PAM: variants seen among roughly 807,000 people sequenced by gnomAD.
PAM encodes the protein peptidyl-glycine alpha-amidating monooxygenase.
PAM carries 72 observed loss-of-function variants against 122.1 expected under a neutral mutation model. The ratio of observed to expected loss-of-function variants is 0.59; its 90% CI spans 0.49 to 0.72. The LOEUF (loss-of-function observed/expected upper bound fraction) is 0.72. PAM is among the 30% of genes least tolerant of loss of function. The pLI is 0.00. For synonymous variants in PAM, 389 were observed against 404.4 expected (o/e 0.96, Z 0.46); for missense variants, 1,106 against 1,183.7 (o/e 0.93, Z 0.96).
At chr5:102,947,187 G>T (rs180697756) in intron 8 of PAM, among the ~76,000 whole-genome samples, 2 of 152,294 alleles carry the variant, frequency 1.3e-5, no homozygotes, top group Admixed American at 6.5e-5. Context: ...GCAGGCTTCA[G>T]TTCTTTGCTG....
At chr5:102,900,255 G>GTGTGTGT (rs1554107232) in intron 3 of PAM, among the ~76,000 whole-genome samples, 4 of 82,846 alleles carry the variant, frequency 4.8e-5, no homozygotes, top group African/African-American at 1.0e-4. Context: ...GTGTGTGTGT[G>GTGTGTGT]GGGGGGGGGC....
At chr5:102,831,948 T>C (rs1447968062) in intron 1 of PAM, among the ~76,000 whole-genome samples, 6 of 151,998 alleles carry the variant, frequency 3.9e-5, no homozygotes, top group African/African-American at 1.2e-4. Context: ...ATCTTTCCTA[T>C]GCCACACTCA....
Position 102,937,674 on chromosome 5 carries a change from G to A in PAM, c.527-9163G>A, listed in dbSNP as rs1455878330. 3.9e-5 allele frequency among the ~76,000 whole-genome samples: 6 copies of A among 152,098 alleles called. No individual in the cohort carries two copies. The East Asian group carries it at 9.6e-4, about 24-fold the overall frequency. ...AGGGATCATCAGGCCTCACCCTTCCGTTTTACAGAAATGAAGATCGATGCT... is the reference window on the plus strand; with the variant it reads ...AGGGATCATCAGGCCTCACCCTTCCATTTTACAGAAATGAAGATCGATGCT... On this transcript the variant is annotated intron_variant, in intron 7 of 25. Transcript: ENST00000438793.
intron 7 of PAM, among the ~76,000 whole-genome samples, chr5:102,934,527 A>G (rs1752624434): frequency 6.6e-6 from 1 of 152,098 alleles, no homozygotes; most frequent in Non-Finnish European, 1.5e-5. Flanking sequence ...AGGCTGTGAT[A>G]CTCATGTCAT....
At position 102,765,641 on chromosome 5, in the gene PAM, G is replaced by A. The variant is rs150068049; in HGVS notation, c.-374+10293G>A. Among the ~76,000 whole-genome samples, 1,046 of 152,314 alleles carry A rather than the reference G, an allele frequency of 6.9e-3. 9 individuals carry two copies. The highest frequency in any genetic ancestry group is 0.013 in the Non-Finnish European group (878 of 68,030). ...ACCGGGTGGCTTAAACCACAGAAAT[G>A]TATTGTCTCAGAGTTCTAAGGCTAA... On this transcript the variant is annotated intron_variant, in intron 1 of 25. Coordinates refer to ENST00000438793, the MANE Select transcript of PAM (RefSeq NM_001177306.2).
chr5:102,915,113 C>T (rs146871910), intron 5 of PAM, among the ~76,000 whole-genome samples: 1 of 152,160 alleles, frequency 6.6e-6, no homozygotes, highest in Non-Finnish European at 1.5e-5. Context: ...CTTATTTTCA[C>T]GTAGACCCAG....
intron 4 of PAM, among the ~76,000 whole-genome samples, chr5:102,904,115 T>G (rs1798824516): frequency 6.6e-6 from 1 of 151,420 alleles, no homozygotes. Flanking sequence ...CTTTTTCCAT[T>G]CTAAGGGATT....
chr5:103,021,700 C>G (rs573280618), intron 23 of PAM, among the ~76,000 whole-genome samples: 1 of 152,236 alleles, frequency 6.6e-6, no homozygotes, highest in East Asian at 1.9e-4. Context: ...CCATATGGCT[C>G]TCATTAAACC....
At chr5:102,831,032 A>G (rs1239625196) in intron 1 of PAM, among the ~76,000 whole-genome samples, 1 of 150,988 alleles carries the variant, frequency 6.6e-6, no homozygotes, top group African/African-American at 2.4e-5. Context: ...TTTAATCTCT[A>G]TTTCAGCTTT....
intron 7 of PAM, among the ~76,000 whole-genome samples, chr5:102,944,004 A>G (rs1756147465): frequency 6.6e-6 from 1 of 152,176 alleles, no homozygotes; most frequent in African/African-American, 2.4e-5. Context: ...AACAACCAGC[A>G]CTACAATATT....
Position 103,017,336 on chromosome 5 carries a change from C to T in PAM, c.2334C>T (p.His778=), listed in dbSNP as rs528900719. The change falls in exon 22 of 26, where the codon CAC becomes CAT. Residue 778 remains histidine (H), a splice_region_variant and synonymous_variant. Transcript: ENST00000438793. ...TGTGTAGCTTCTTATTTTGGCAGCA[C>T]TTTGATATGCCTCATGATATTGTTG... is the stretch of plus-strand genomic sequence containing the variant. The part of the protein sequence containing the change: ...IIDIFKPVRK[H]FDMPHDIVAS... 56 of 1,601,336 alleles carry T rather than the reference C, an allele frequency of 3.5e-5. No individual in the cohort carries two copies. In the South Asian group the frequency reaches 5.2e-4, roughly 15 times the overall value.
intron 5 of PAM, among the ~76,000 whole-genome samples, chr5:102,914,476 A>C (rs1031254031): frequency 1.3e-5 from 2 of 152,104 alleles, no homozygotes; most frequent in Non-Finnish European, 2.9e-5. Flanking sequence ...GTATATGTCC[A>C]GGTGCAGAAG....
At chr5:102,937,775 C>G (rs183306677) in intron 7 of PAM, among the ~76,000 whole-genome samples, 1 of 152,208 alleles carries the variant, frequency 6.6e-6, no homozygotes, top group African/African-American at 2.4e-5. Flanking sequence ...TATTGGTTTT[C>G]TAGTTTGTGT....
At chr5:102,814,239 A>G (rs1049763589) in intron 1 of PAM, among the ~76,000 whole-genome samples, 4 of 152,158 alleles carry the variant, frequency 2.6e-5, no homozygotes, top group Admixed American at 2.0e-4. Context: ...TTATGCTGCA[A>G]TTTAAGCTCA....
chr5:102,902,491 A>G (rs1798255917), intron 4 of PAM, among the ~76,000 whole-genome samples: 1 of 151,602 alleles, frequency 6.6e-6, no homozygotes, highest in Non-Finnish European at 1.5e-5. Context: ...TAATATTTGG[A>G]CATTACCAAG....
intron 1 of PAM, among the ~76,000 whole-genome samples, chr5:102,766,926 A>ATTTGTTTTTTTTTTTTTTTT (rs1754142657): frequency 3.9e-5 from 1 of 25,830 alleles, no homozygotes; most frequent in African/African-American, 1.4e-4. Context: ...TCAGTTGTGG[A>ATTTGTTTTTTTTTTTTTTTT]TTTTTTTTTT....
intron 7 of PAM, among the ~76,000 whole-genome samples, 158 bp downstream of exon 7, chr5:102,926,826 G>T (rs1026291445): frequency 9.2e-5 from 14 of 152,108 alleles, no homozygotes; most frequent in Non-Finnish European, 7.4e-5. Context: ...ACTGTTGAAG[G>T]AATGACTTTT....
At chr5:102,903,216 T>C (rs1019505240) in intron 4 of PAM, among the ~76,000 whole-genome samples, 1 of 151,564 alleles carries the variant, frequency 6.6e-6, no homozygotes, top group Non-Finnish European at 1.5e-5. Context: ...GAGGATTGCA[T>C]GGATACTGAA....
intron 15 of PAM, among the ~76,000 whole-genome samples, chr5:102,988,691 GAAAGAA>G (rs374528806): frequency 1.4e-4 from 15 of 109,800 alleles, no homozygotes; most frequent in East Asian, 3.7e-4. Context: ...AAGAAAGAAG[GAAAGAA>G]AGAGAAAGAG....
Sources: allele counts gnomAD v4.1 joint callset (sites outside exome capture counted in the v4.1 genomes callset), GRCh38; gene constraint gnomAD v4.1.1; transcripts MANE v1.5; gene names NCBI Gene and HGNC (gene_info 2026-07-23, HGNC 2026-07-21).